The following CLSTN2 variants were observed in gnomAD, a reference collection of about 807,000 sequenced individuals.
CLSTN2 encodes the protein calsyntenin 2, also known as calsyntenin-2.
A neutral mutation model predicts 101.2 loss-of-function variants in CLSTN2; 48 were observed. The observed-to-expected ratio is 0.47, with a 90% CI of 0.38 to 0.60. The LOEUF (loss-of-function observed/expected upper bound fraction) is 0.60, where lower values mean the gene tolerates loss of function less well. Among genes scored for constraint, CLSTN2 ranks in the 20% least tolerant of loss-of-function variants. The pLI is 0.00. For synonymous variants in CLSTN2, 481 were observed against 463.6 expected, an observed-to-expected ratio of 1.04 and a Z score of -0.48; for missense variants, 1,160 against 1,238.2, an observed-to-expected ratio of 0.94 and a Z score of 0.95.
intron 2 of CLSTN2, among the ~76,000 whole-genome samples, chr3:140,377,258 C>T (rs1489299607): frequency 1.3e-5 from 2 of 152,264 alleles, no homozygotes; most frequent in African/African-American, 2.4e-5. Context: ...AAAAGTATAG[C>T]ACACACAGAA....
At chr3:140,449,630 G>C (rs72985121) in intron 6 of CLSTN2, 1 of 152,102 alleles carries the variant, frequency 6.6e-6, no homozygotes, top group Non-Finnish European at 1.5e-5. Context: ...GTCAACTGTC[G>C]TGGTGCTGGA....
At chr3:140,371,367 C>G (rs1187292363) in intron 2 of CLSTN2, among the ~76,000 whole-genome samples, 1 of 141,682 alleles carries the variant, frequency 7.1e-6, no homozygotes, top group African/African-American at 2.5e-5. Flanking sequence ...GGAACACAGG[C>G]ATTTGGGGGT....
At chr3:139,964,573 C>G (rs1472914356) in intron 1 of CLSTN2, among the ~76,000 whole-genome samples, 1 of 152,016 alleles carries the variant, frequency 6.6e-6, no homozygotes, top group African/African-American at 2.4e-5. Flanking sequence ...GCAGGGGGGT[C>G]AAGGGGCCAA....
chr3:139,941,242 G>A (rs934046077), intron 1 of CLSTN2, among the ~76,000 whole-genome samples: 1 of 152,090 alleles, frequency 6.6e-6, no homozygotes, highest in Non-Finnish European at 1.5e-5. Flanking sequence ...GAAGAGCACT[G>A]AGCTGAAGAT....
intron 2 of CLSTN2, among the ~76,000 whole-genome samples, chr3:140,257,808 G>T (rs2086617082): frequency 6.6e-6 from 1 of 152,012 alleles, no homozygotes; most frequent in African/African-American, 2.4e-5. Context: ...ATTAAAAATG[G>T]CATTGTCATG....
chr3:140,255,438 G>T (rs1335329138), intron 2 of CLSTN2, among the ~76,000 whole-genome samples: 1 of 152,146 alleles, frequency 6.6e-6, no homozygotes, highest in Non-Finnish European at 1.5e-5. Flanking sequence ...AGAAAATGTG[G>T]TACATATACA....
intron 2 of CLSTN2, among the ~76,000 whole-genome samples, chr3:140,244,674 G>T (rs771180971): frequency 6.6e-6 from 1 of 152,086 alleles, no homozygotes; most frequent in Non-Finnish European, 1.5e-5. Context: ...CAAGACCAAG[G>T]CCTCACTTAA....
At chr3:140,396,351 CAT>C (rs771322512) in intron 2 of CLSTN2, among the ~76,000 whole-genome samples, 158 of 152,246 alleles carry the variant, frequency 1.0e-3, no homozygotes, top group Non-Finnish European at 1.0e-4. Flanking sequence ...GAATGTCACA[CAT>C]GTGACATTCA....
intron 10 of CLSTN2, among the ~76,000 whole-genome samples, chr3:140,554,343 C>T (rs2107790293): frequency 6.6e-6 from 1 of 152,142 alleles, no homozygotes; most frequent in East Asian, 1.9e-4. Flanking sequence ...AACAGAACAC[C>T]CTTATAAAGA....
At chr3:140,404,816 C>A in intron 4 of CLSTN2, 50 bp downstream of exon 4, 1 of 1,494,624 alleles carries the variant, frequency 6.7e-7, no homozygotes, top group Non-Finnish European at 9.3e-7. Context: ...AAATCCATCG[C>A]CTCCACTCTG....
chr3:140,541,414 G>A (rs1199083935), intron 9 of CLSTN2, among the ~76,000 whole-genome samples: 1 of 152,156 alleles, frequency 6.6e-6, no homozygotes, highest in African/African-American at 2.4e-5. Context: ...AGGGTGCTTG[G>A]CTGATTGCAG....
chr3:140,030,362 C>G (rs16849713), intron 1 of CLSTN2, among the ~76,000 whole-genome samples: 10,771 of 152,120 alleles, frequency 0.071, 435 homozygotes, highest in East Asian at 0.16. Context: ...GACCTCAAAG[C>G]CCCAGCTCTT....
intron 1 of CLSTN2, among the ~76,000 whole-genome samples, chr3:140,033,486 C>T (rs1414456778): frequency 6.6e-6 from 1 of 152,218 alleles, no homozygotes. Context: ...TCCCCAGAGG[C>T]CATTAGCACA....
chr3:140,524,386 G>C (rs527915890), intron 8 of CLSTN2, among the ~76,000 whole-genome samples: 1 of 152,326 alleles, frequency 6.6e-6, no homozygotes, highest in South Asian at 2.1e-4. Flanking sequence ...GAAAATATAA[G>C]AGGCCATATG....
At chr3:140,466,451 C>T (rs1021453084) in intron 7 of CLSTN2, among the ~76,000 whole-genome samples, 159 bp from the exon 8 acceptor site, 2 of 152,126 alleles carry the variant, frequency 1.3e-5, no homozygotes, top group East Asian at 1.9e-4. Context: ...CTATCATGTG[C>T]GTTATAGAAC....
intron 6 of CLSTN2, among the ~76,000 whole-genome samples, chr3:140,453,651 G>A (rs987222270): frequency 2.0e-5 from 3 of 152,196 alleles, no homozygotes; most frequent in African/African-American, 7.2e-5. Flanking sequence ...ATATTTGAAT[G>A]GTAGATTTGC....
intron 2 of CLSTN2, among the ~76,000 whole-genome samples, chr3:140,185,314 A>C (rs372406445): frequency 6.6e-6 from 1 of 152,148 alleles, no homozygotes; most frequent in East Asian, 1.9e-4. Context: ...TTATACAATG[A>C]ATCAGGAAAA....
intron 9 of CLSTN2, among the ~76,000 whole-genome samples, chr3:140,534,932 T>A (rs747191635): frequency 4.6e-5 from 7 of 152,228 alleles, no homozygotes; most frequent in Non-Finnish European, 1.0e-4. Context: ...CATTCTCACT[T>A]CTTTGTGGTT....
At chr3:140,122,397 G>T (rs1251950943) in intron 1 of CLSTN2, among the ~76,000 whole-genome samples, 2 of 152,188 alleles carry the variant, frequency 1.3e-5, no homozygotes, top group Non-Finnish European at 2.9e-5. Context: ...CACAACAGAG[G>T]CTAAATGACA....
Sources: allele counts gnomAD v4.1 joint callset (sites outside exome capture counted in the v4.1 genomes callset), GRCh38; gene constraint gnomAD v4.1.1; transcripts MANE v1.5; gene names NCBI Gene and HGNC (gene_info 2026-07-23, HGNC 2026-07-21).